PTPRG: variants seen among roughly 807,000 people sequenced by gnomAD.
PTPRG encodes protein tyrosine phosphatase receptor type G, also known as receptor-type tyrosine-protein phosphatase gamma.
PTPRG carries 102 observed loss-of-function variants against 165.3 expected under a neutral mutation model. The observed-to-expected ratio is 0.62, with a 90% CI of 0.53 to 0.73. The LOEUF (loss-of-function observed/expected upper bound fraction) is 0.73, where lower values mean the gene tolerates loss of function less well. Among genes scored for constraint, PTPRG ranks in the 30% least tolerant of loss-of-function variants. PTPRG has a pLI of 0.00. For synonymous variants in PTPRG, 675 were observed against 669.5 expected (o/e 1.01, Z -0.13); for missense variants, 1,866 against 1,861.4 (o/e 1.00, Z -0.05).
At chr3:61,610,183 A>G (rs1251155935) in intron 1 of PTPRG, among the ~76,000 whole-genome samples, 2 of 151,336 alleles carry the variant, frequency 1.3e-5, no homozygotes, top group Non-Finnish European at 2.9e-5. Context: ...TTATAGTACA[A>G]CTTTGTAGGG....
chr3:61,794,154 C>A (rs1173214798), intron 2 of PTPRG, among the ~76,000 whole-genome samples: 1 of 151,956 alleles, frequency 6.6e-6, no homozygotes, highest in African/African-American at 2.4e-5. Flanking sequence ...TCTGTCTTTC[C>A]CATTACTTTC....
intron 4 of PTPRG, among the ~76,000 whole-genome samples, chr3:62,035,692 C>G (rs1699916739): frequency 6.6e-6 from 1 of 152,170 alleles, no homozygotes; most frequent in Non-Finnish European, 1.5e-5. Context: ...TAAAAGCAAG[C>G]ACATTGGAAA....
intron 6 of PTPRG, among the ~76,000 whole-genome samples, chr3:62,156,665 TAGAGA>T (rs1340936339): frequency 3.3e-5 from 5 of 151,006 alleles, no homozygotes; most frequent in African/African-American, 1.2e-4. Flanking sequence ...CATAGATAAT[TAGAGA>T]AGAGTTCTAT....
chr3:61,970,556 C>T (rs546684531), intron 2 of PTPRG, among the ~76,000 whole-genome samples: 1 of 152,146 alleles, frequency 6.6e-6, no homozygotes, highest in Admixed American at 6.5e-5. Flanking sequence ...CAACACATTA[C>T]CTATAAATAT....
chr3:61,868,675 G>T (rs2037477558), intron 2 of PTPRG, among the ~76,000 whole-genome samples: 1 of 152,160 alleles, frequency 6.6e-6, no homozygotes, highest in East Asian at 1.9e-4. Flanking sequence ...AAAATTCTGT[G>T]TAATGGGACA....
At chr3:61,870,927 C>T (rs1057501366) in intron 2 of PTPRG, among the ~76,000 whole-genome samples, 3 of 152,110 alleles carry the variant, frequency 2.0e-5, no homozygotes, top group African/African-American at 4.8e-5. Context: ...AAATCAGCAA[C>T]GGGGTAGAGT....
At chr3:61,753,585 G>GATT in intron 2 of PTPRG, 9 of 362,966 alleles carry the variant, frequency 2.5e-5, no homozygotes, top group Non-Finnish European at 3.6e-5. Context: ...AAATTTGAGG[G>GATT]TTTTTTTTTT....
intron 1 of PTPRG, among the ~76,000 whole-genome samples, chr3:61,646,668 G>T (rs934998225): frequency 6.6e-6 from 1 of 152,286 alleles, no homozygotes; most frequent in East Asian, 1.9e-4. Flanking sequence ...AGTGGTGTTT[G>T]TGGTGTGTAT....
intron 2 of PTPRG, among the ~76,000 whole-genome samples, chr3:61,798,248 A>G (rs2035116784): frequency 6.6e-6 from 1 of 152,352 alleles, no homozygotes; most frequent in East Asian, 1.9e-4. Flanking sequence ...TGGAAAGAAA[A>G]TAGATACAAC....
chr3:62,131,632 G>C lies in PTPRG; in HGVS notation c.616-970G>C, dbSNP rs1170238344. 2.6e-5 allele frequency among the ~76,000 whole-genome samples: 4 copies of C among 152,242 alleles called. No homozygotes were observed. In the East Asian group the frequency reaches 7.7e-4, roughly 29 times the overall value. On this transcript the variant is annotated intron_variant, in intron 5 of 29. Coordinates refer to ENST00000474889, the MANE Select transcript of PTPRG (RefSeq NM_002841.4). ...TCAATGGGGGATGGGGGAAGCAGGA[G>C]CTATGCTGGCCGTAGATAATAGATT...
intron 2 of PTPRG, among the ~76,000 whole-genome samples, chr3:61,956,441 C>T (rs1559712326): frequency 6.6e-6 from 1 of 152,066 alleles, no homozygotes; most frequent in South Asian, 2.1e-4. Flanking sequence ...TATTCTTGCC[C>T]CTCAGCCTCA....
At chr3:61,869,959 C>T (rs55987456) in intron 2 of PTPRG, among the ~76,000 whole-genome samples, 17,469 of 151,966 alleles carry the variant, frequency 0.11, 1,594 homozygotes, top group East Asian at 0.48. Context: ...CGACTCTCAT[C>T]CTATATACCT....
At chr3:61,942,590 A>G (rs1575808801) in intron 2 of PTPRG, among the ~76,000 whole-genome samples, 1 of 152,234 alleles carries the variant, frequency 6.6e-6, no homozygotes, top group Non-Finnish European at 1.5e-5. Flanking sequence ...ATAGTTAATG[A>G]TGATGACCAT....
rs371062777 is a variant in PTPRG, at chr3:61,964,731, C to A, written c.191-24894C>A. On this transcript the variant is annotated intron_variant, in intron 2 of 29. Coordinates refer to ENST00000474889, the MANE Select transcript of PTPRG (RefSeq NM_002841.4). ...TCCGTCCTTGTGTCGTGGTTTTACA[C>A]GCGTGGCTCAGCCTGAGCTTCAGGC... Among the ~76,000 whole-genome samples the A allele has an allele frequency of 3.9e-4, 59 of 152,204 alleles. 1 individual carries two copies. The highest frequency in any genetic ancestry group is 1.3e-3 in the African/African-American group (55 of 41,526).
At chr3:62,191,105 T>A (rs1229862230) in intron 8 of PTPRG, among the ~76,000 whole-genome samples, 1 of 151,644 alleles carries the variant, frequency 6.6e-6, no homozygotes, top group African/African-American at 2.4e-5. Context: ...TGTGTGCATC[T>A]GTGCCCCATG....
intron 2 of PTPRG, among the ~76,000 whole-genome samples, chr3:61,754,216 C>T (rs1352001102): frequency 6.6e-6 from 1 of 152,180 alleles, no homozygotes; most frequent in Non-Finnish European, 1.5e-5. Context: ...CTGCCATAGC[C>T]AGGGGCCATC....
At chr3:62,282,419 C>G (rs116209355) in intron 27 of PTPRG, among the ~76,000 whole-genome samples, 1,958 of 149,502 alleles carry the variant, frequency 0.013, 22 homozygotes, top group South Asian at 0.051. Context: ...TTTTTAGAGA[C>G]AGATCTCCCT....
At chr3:61,969,652 A>G (rs147557329) in intron 2 of PTPRG, among the ~76,000 whole-genome samples, 60 of 152,226 alleles carry the variant, frequency 3.9e-4, no homozygotes, top group Admixed American at 1.0e-3. Flanking sequence ...TAAATAACCT[A>G]CAGACTCGGT....
At chr3:62,207,288 T>A (rs906184978) in intron 12 of PTPRG, among the ~76,000 whole-genome samples, 1 of 152,240 alleles carries the variant, frequency 6.6e-6, no homozygotes, top group African/African-American at 2.4e-5. Flanking sequence ...GGGTCTGATA[T>A]GGTCCACAAT....
Sources: gnomAD v4.1 joint callset for allele counts (sites outside exome capture counted in the v4.1 genomes callset) on GRCh38, gnomAD v4.1.1 for gene constraint, MANE v1.5 for transcripts, NCBI Gene and HGNC (gene_info 2026-07-23, HGNC 2026-07-21) for gene names.